The following GPN1 variants were observed in gnomAD, a reference collection of about 807,000 sequenced individuals.
GPN1 encodes ATP(GTP)-binding protein.
Under a neutral mutation model 55.9 loss-of-function variants are expected in GPN1, and 44 were observed. The observed-to-expected ratio is 0.79, with a 90% CI of 0.62 to 1.01. The LOEUF (loss-of-function observed/expected upper bound fraction) is 1.01, where lower values mean the gene tolerates loss of function less well. GPN1 is among the 50% of genes least tolerant of loss of function. The pLI, the probability that GPN1 is intolerant of heterozygous loss-of-function variation, is 0.00. For missense variants in GPN1, 466 were observed against 462.8 expected, an observed-to-expected ratio of 1.01 and a Z score of -0.06; for synonymous variants, 179 against 162.5, an observed-to-expected ratio of 1.10 and a Z score of -0.77.
At chr2:27,648,200 TTTG>T (rs1229812286) in intron 13 of GPN1, among the ~76,000 whole-genome samples, 1 of 152,136 alleles carries the variant, frequency 6.6e-6, no homozygotes, top group Non-Finnish European at 1.5e-5. Flanking sequence ...AGGACTTTTG[TTTG>T]TTGTTATTAG....
At position 27,635,157 on chromosome 2, in the gene GPN1, A is replaced by G. The variant is rs779851096; in HGVS notation, c.447A>G (p.Thr149=). The change falls in exon 7 of 14, where the codon ACA becomes ACG. Residue 149 remains threonine (T), a synonymous_variant. Transcript: ENST00000610189. The part of the protein sequence containing the change: ...ITEALASSFP[T]VVIYVMDTSR... ...GGCTTTAGGCATCCTCATTTCCAACAGTTGTCATCTATGTAATGGACACAT... is the reference window on the plus strand; with the variant it reads ...GGCTTTAGGCATCCTCATTTCCAACGGTTGTCATCTATGTAATGGACACAT... 4 of 1,598,638 alleles carry G rather than the reference A, an allele frequency of 2.5e-6. No homozygotes were observed. The highest frequency in any genetic ancestry group is 3.4e-6 in the Non-Finnish European group (4 of 1,166,800).
At chr2:27,638,087 T>C (rs1171033061) in intron 7 of GPN1, 123 bp from the exon 8 acceptor site, 1 of 622,964 alleles carries the variant, frequency 1.6e-6, no homozygotes. Flanking sequence ...TATGTAAAAA[T>C]GGATGACTAC....
chr2:27,628,968 G>A, upstream of GPN1: 2 of 1,580,986 alleles, frequency 1.3e-6, no homozygotes, highest in East Asian at 2.2e-5. Context: ...TTCTGACGCT[G>A]TGGTGGTTTT....
At chr2:27,631,955 A>G in intron 4 of GPN1, 55 bp downstream of exon 4, 1 of 977,880 alleles carries the variant, frequency 1.0e-6, no homozygotes, top group South Asian at 1.3e-5. Context: ...TGACTCTTAA[A>G]TTCCTTAGCT....
chr2:27,629,536 C>T (rs1164704515), intron 1 of GPN1: 3 of 817,280 alleles, frequency 3.7e-6, no homozygotes, highest in African/African-American at 3.4e-5. Flanking sequence ...TGTCATGTTC[C>T]ATTCACTGGG....
chr2:27,643,831 T>C lies in GPN1; in HGVS notation c.931+1312T>C, dbSNP rs1451089043. 6.6e-6 allele frequency among the ~76,000 whole-genome samples: 1 copy of C among 152,222 alleles called. No homozygotes were observed. Among genetic ancestry groups the C allele is most frequent in the Non-Finnish European group, 1.5e-5 (1 of 68,040 alleles). ...TGTTGATTTGTCCCATTACTGGTGATGTTAACTTTGAGTATTTTTATAAAG... is the reference window on the plus strand; with the variant it reads ...TGTTGATTTGTCCCATTACTGGTGACGTTAACTTTGAGTATTTTTATAAAG... On this transcript the variant is annotated intron_variant, in intron 12 of 13. Coordinates refer to ENST00000610189, the MANE Select transcript of GPN1 (RefSeq NM_007266.4). The surrounding 1 kb of genome is among the most constrained non-coding windows in gnomAD (Gnocchi z 4.0).
chr2:27,635,044 C>T, intron 6 of GPN1, 96 bp from the exon 7 acceptor site: 1 of 964,830 alleles, frequency 1.0e-6, no homozygotes, highest in South Asian at 1.3e-5. Flanking sequence ...CACACCCTGC[C>T]TAAAGTGGTT....
At chr2:27,644,306 T>A (rs537852383) in intron 12 of GPN1, among the ~76,000 whole-genome samples, 7 of 152,328 alleles carry the variant, frequency 4.6e-5, no homozygotes, top group African/African-American at 1.7e-4. Context: ...ACCCATTAGT[T>A]TTAATATCCA....
At chr2:27,638,078 A>T in intron 7 of GPN1, 132 bp from the exon 8 acceptor site, 1 of 611,088 alleles carries the variant, frequency 1.6e-6, no homozygotes, top group Non-Finnish European at 3.0e-6. Context: ...ATATGATGTT[A>T]TGTAAAAATG....
chr2:27,631,021 C>T lies in GPN1; in HGVS notation c.206-6C>T, dbSNP rs771458043. 62 of 1,293,718 alleles carry T rather than the reference C, an allele frequency of 4.8e-5. No individual in the cohort carries two copies. The Middle Eastern group carries it at 1.1e-3, about 23-fold the overall frequency. The allele number at this position is 1,293,718 out of a possible 1,614,324, so 80.1% of individuals were successfully genotyped here. Reference sequence around the variant, plus strand: ...CATTCCAGTTAATTCTTTTTTTTCTCCTCAGATATTCGTGATACTGTAAAG... The same window carrying T: ...CATTCCAGTTAATTCTTTTTTTTCTTCTCAGATATTCGTGATACTGTAAAG... On this transcript the variant is annotated splice_region_variant and splice_polypyrimidine_tract_variant and intron_variant, in intron 2 of 13. Transcript: ENST00000610189.
Position 27,629,085 on chromosome 2 carries a change from G to A in GPN1, c.27G>A (p.Glu9=). 1 of 1,614,248 alleles carries A rather than the reference G, an allele frequency of 6.2e-7. No individual in the cohort carries two copies. The highest frequency in any genetic ancestry group is 8.5e-7 in the Non-Finnish European group (1 of 1,180,044). ...TGGCGGCGTCCGCAGCTGCCGCTGA[G>A]CTCCAGGCTTCTGGGGGTCCGCGGC... is the stretch of plus-strand genomic sequence containing the variant. The part of the protein sequence containing the change: MAASAAAA[E]LQASGGPRHP... The change falls in exon 1 of 14, where the codon GAG becomes GAA. Residue 9 remains glutamate (E), a synonymous_variant. Coordinates refer to ENST00000610189, the MANE Select transcript of GPN1 (RefSeq NM_007266.4).
At position 27,650,916 on chromosome 2, in the gene GPN1, C is replaced by T. The variant is rs1245116999; in HGVS notation, c.*716C>T. On this transcript the variant is annotated 3_prime_UTR_variant, in exon 14 of 14. Transcript: ENST00000610189. ...TATAATTGCAAACAGCTTCACTTCTCCTGTTCAACAGAGGCTTAAGGCCAG... is the reference window on the plus strand; with the variant it reads ...TATAATTGCAAACAGCTTCACTTCTTCTGTTCAACAGAGGCTTAAGGCCAG... The T allele has an allele frequency of 6.5e-6, 1 of 152,744 alleles. No individual in the cohort carries two copies. Among genetic ancestry groups the T allele is most frequent in the Non-Finnish European group, 1.5e-5 (1 of 68,038 alleles). 9.5% of individuals were successfully genotyped at this position (152,744 alleles called of 1,614,324 possible).
chr2:27,630,683 C>A (rs1235807811), intron 2 of GPN1, among the ~76,000 whole-genome samples: 2 of 152,136 alleles, frequency 1.3e-5, no homozygotes, highest in African/African-American at 2.4e-5. Context: ...TTTAAAAAAT[C>A]ATGTCTGCAT....
chr2:27,634,182 T>C (rs1673648565), intron 5 of GPN1, among the ~76,000 whole-genome samples: 1 of 152,226 alleles, frequency 6.6e-6, no homozygotes, highest in Non-Finnish European at 1.5e-5. Context: ...AATGTACTTA[T>C]TGGCCATTGG....
chr2:27,636,687 C>T (rs1673746076), intron 7 of GPN1, among the ~76,000 whole-genome samples: 1 of 152,020 alleles, frequency 6.6e-6, no homozygotes, highest in South Asian at 2.1e-4. Context: ...GTTGGCCAGG[C>T]TGGTCTCAAA....
chr2:27,630,031 TA>T (rs2148061173), intron 2 of GPN1, 79 bp downstream of exon 2: 1 of 837,404 alleles, frequency 1.2e-6, no homozygotes, highest in East Asian at 2.5e-5. Context: ...CTCACGGCTG[TA>T]ATCTCAGCAC....
chr2:27,649,500 C>T (rs1674416152), intron 13 of GPN1, among the ~76,000 whole-genome samples: 1 of 152,090 alleles, frequency 6.6e-6, no homozygotes, highest in Non-Finnish European at 1.5e-5. Flanking sequence ...ACTTCCCTCA[C>T]CCCCCAAAAC....
In GPN1 at chr2:27,631,901, G is replaced by A; in HGVS notation, c.312+1G>A. 2 of 1,537,636 alleles carry A rather than the reference G, an allele frequency of 1.3e-6. No homozygotes were observed. The highest frequency in any genetic ancestry group is 1.8e-6 in the Non-Finnish European group (2 of 1,110,172). ...TCTCTTTGCTACCAGATTTGATCAG[G>A]TATATCTGTCTTTAGTATATTAATA... On this transcript the variant is annotated splice_donor_variant, in intron 4 of 13. Transcript: ENST00000610189. LOFTEE classifies it high-confidence loss of function.
In GPN1 at chr2:27,629,428, T is replaced by A. The variant is rs1292994795; in HGVS notation, c.111+259T>A. 4 of 1,549,336 alleles carry A rather than the reference T, an allele frequency of 2.6e-6. No homozygotes were observed. The African/African-American group carries it at 5.5e-5, about 21-fold the overall frequency. On this transcript the variant is annotated intron_variant, in intron 1 of 13. Transcript: ENST00000610189. ...TACAGGAATTGTCTTGCTGATAAAA[T>A]TGCGTTTCTCGGAGGCAAGTTACAA...
Sources: allele counts gnomAD v4.1 joint callset (sites outside exome capture counted in the v4.1 genomes callset), GRCh38; gene constraint gnomAD v4.1.1; non-coding constraint Gnocchi (gnomAD v3.1); transcripts MANE v1.5; gene names NCBI Gene and HGNC (gene_info 2026-07-23, HGNC 2026-07-21).